The following PDE11A variants were observed in gnomAD, a reference collection of about 807,000 sequenced individuals.
PDE11A encodes phosphodiesterase 11A.
PDE11A carries 100 observed loss-of-function variants against 100.5 expected under a neutral mutation model. The ratio of observed to expected loss-of-function variants is 1.00; its 90% CI spans 0.85 to 1.18. The LOEUF (loss-of-function observed/expected upper bound fraction) is 1.18. Ranked by LOEUF, PDE11A falls within the 50% of genes most tolerant of loss-of-function variation. The probability of loss-of-function intolerance (pLI) is 0.00; values close to 1 mark genes in which losing one functional copy is unlikely to be tolerated. For missense variants in PDE11A, 1,141 were observed against 1,152.6 expected (o/e 0.99, Z 0.15); for synonymous variants, 381 against 420.8 (o/e 0.91, Z 1.16).
intron 1 of PDE11A, among the ~76,000 whole-genome samples, chr2:178,068,897 T>A (rs182460751): frequency 6.6e-6 from 1 of 152,168 alleles, no homozygotes; most frequent in African/African-American, 2.4e-5. Flanking sequence ...CAAACCACAT[T>A]TAGGGACATT....
intron 1 of PDE11A, among the ~76,000 whole-genome samples, chr2:178,053,320 G>A (rs1055334733): frequency 2.0e-5 from 3 of 152,086 alleles, no homozygotes; most frequent in Non-Finnish European, 2.9e-5. Context: ...ACAGCCCTTC[G>A]TGCTAAAACC....
intron 3 of PDE11A, among the ~76,000 whole-genome samples, chr2:177,903,959 T>C (rs188792894): frequency 1.3e-5 from 2 of 152,336 alleles, no homozygotes; most frequent in Non-Finnish European, 2.9e-5. Flanking sequence ...TGGTATGTCA[T>C]GCTAAAGACC....
chr2:178,003,862 C>T (rs921699331), intron 2 of PDE11A, among the ~76,000 whole-genome samples: 1 of 151,958 alleles, frequency 6.6e-6, no homozygotes, highest in South Asian at 2.1e-4. Context: ...AATAGTTCAA[C>T]CTAACAGCTA....
At chr2:178,058,923 C>T (rs1413507985) in intron 1 of PDE11A, among the ~76,000 whole-genome samples, 1 of 152,212 alleles carries the variant, frequency 6.6e-6, no homozygotes, top group East Asian at 1.9e-4. Flanking sequence ...AAGTCATAGT[C>T]TAGGCCTCAT....
intron 2 of PDE11A, among the ~76,000 whole-genome samples, chr2:177,989,756 G>A (rs1250203136): frequency 6.6e-6 from 1 of 152,110 alleles, no homozygotes; most frequent in Non-Finnish European, 1.5e-5. Context: ...CTCACCTCAT[G>A]CCAGAAAGAG....
chr2:177,983,559 C>T (rs1432530271), intron 2 of PDE11A, among the ~76,000 whole-genome samples: 4 of 152,184 alleles, frequency 2.6e-5, no homozygotes, highest in Non-Finnish European at 5.9e-5. Context: ...CAAAACCACA[C>T]TCTAGGCCAT....
At chr2:178,085,547 A>T (rs200874177) in intron 2 of PDE11A, among the ~76,000 whole-genome samples, 1,823 of 152,086 alleles carry the variant, frequency 0.012, 33 homozygotes, top group East Asian at 0.072. Context: ...AATAAAAAAA[A>T]AAATAAACCT....
At chr2:177,964,153 GTT>G (rs11284596) in intron 2 of PDE11A, among the ~76,000 whole-genome samples, 9,530 of 149,760 alleles carry the variant, frequency 0.064, 314 homozygotes, top group South Asian at 0.095. Flanking sequence ...TGTTTGTTTG[GTT>G]TTTTTTTTTA....
At chr2:177,894,966 T>C (rs1333939796) in intron 4 of PDE11A, among the ~76,000 whole-genome samples, 1 of 152,160 alleles carries the variant, frequency 6.6e-6, no homozygotes, top group Admixed American at 6.5e-5. Flanking sequence ...CTCCCTAAAA[T>C]GTATAAAACC....
At chr2:178,014,739 T>A (rs2086314812) in intron 1 of PDE11A, among the ~76,000 whole-genome samples, 1 of 152,174 alleles carries the variant, frequency 6.6e-6, no homozygotes, top group Non-Finnish European at 1.5e-5. Context: ...GAAAGCGATT[T>A]ATGTGATTTA....
intron 18 of PDE11A, among the ~76,000 whole-genome samples, chr2:177,668,786 T>C (rs1029985461): frequency 6.6e-6 from 1 of 152,206 alleles, no homozygotes; most frequent in African/African-American, 2.4e-5. Flanking sequence ...AAATCTACTG[T>C]GCTATGCTAG....
chr2:177,639,048 A>G (rs2080097976), intron 19 of PDE11A, among the ~76,000 whole-genome samples: 1 of 151,626 alleles, frequency 6.6e-6, no homozygotes, highest in African/African-American at 2.4e-5. Context: ...GCCTCCCTAG[A>G]CTCCTAGCTC....
chr2:178,035,834 C>T lies in PDE11A; in HGVS notation c.913-21374G>A, dbSNP rs114014273. Reference sequence around the variant, plus strand: ...CTTCAATAAAATTCAACAGCCCTTACGCTAAAAACTCAGTAAACTAGGTAT... The same window carrying T: ...CTTCAATAAAATTCAACAGCCCTTATGCTAAAAACTCAGTAAACTAGGTAT... On this transcript the variant is annotated intron_variant, in intron 1 of 19. Transcript: ENST00000286063. Among the ~76,000 whole-genome samples the T allele has an allele frequency of 3.4e-3, 512 of 151,792 alleles. 1 individual carries two copies. The highest frequency in any genetic ancestry group is 0.012 in the African/African-American group (489 of 41,484).
intron 2 of PDE11A, among the ~76,000 whole-genome samples, chr2:177,908,452 C>T (rs1422615889): frequency 1.3e-5 from 2 of 152,170 alleles, no homozygotes; most frequent in African/African-American, 4.8e-5. Context: ...GAAACTGAGC[C>T]TGTCAGCAGG....
chr2:177,827,054 C>G lies in PDE11A; in HGVS notation c.1501-6759G>C, dbSNP rs150707101. 1.1e-3 allele frequency among the ~76,000 whole-genome samples: 167 copies of G among 152,358 alleles called. 1 individual carries two copies. The highest frequency in any genetic ancestry group is 4.0e-3 in the African/African-American group (167 of 41,594). On this transcript the variant is annotated intron_variant, in intron 6 of 19. Coordinates refer to ENST00000286063, the MANE Select transcript of PDE11A (RefSeq NM_016953.4). ...CTGCCAGGCTAGCTCTCAGCAGCCA[C>G]TGTGGGGGTGCGGGAGTGCTCCACC...
In PDE11A at chr2:177,634,942, A is replaced by G. The variant is rs114981281; in HGVS notation, c.2647-5380T>C. Among the ~76,000 whole-genome samples, 747 of 152,234 alleles carry G rather than the reference A, an allele frequency of 4.9e-3. 6 individuals carry two copies. Among genetic ancestry groups the G allele is most frequent in the East Asian group, 0.03 (157 of 5,166 alleles). ...CTCCTCAGTGAAAGAGAAGGGGGGA[A>G]ACTTAGCACCCATCTGATCACTCTC... On this transcript the variant is annotated intron_variant, in intron 19 of 19. Coordinates refer to ENST00000286063, the MANE Select transcript of PDE11A (RefSeq NM_016953.4).
intron 16 of PDE11A, among the ~76,000 whole-genome samples, chr2:177,678,998 A>G (rs1257142887): frequency 6.6e-6 from 1 of 151,960 alleles, no homozygotes; most frequent in Non-Finnish European, 1.5e-5. Context: ...AAGAAGGGCT[A>G]GAAAAGACTA....
At chr2:177,706,160 A>G (rs374679510) in intron 13 of PDE11A, among the ~76,000 whole-genome samples, 1 of 152,238 alleles carries the variant, frequency 6.6e-6, no homozygotes, top group African/African-American at 2.4e-5. Context: ...GAATAAATCA[A>G]ATTGTGCTCT....
At chr2:177,824,875 A>T (rs1447307956) in intron 6 of PDE11A, among the ~76,000 whole-genome samples, 2 of 152,202 alleles carry the variant, frequency 1.3e-5, no homozygotes, top group Non-Finnish European at 1.5e-5. Context: ...ACAAAAGCAT[A>T]TTATATACAT....
Sources: gnomAD v4.1 joint callset for allele counts (sites outside exome capture counted in the v4.1 genomes callset) on GRCh38, gnomAD v4.1.1 for gene constraint, MANE v1.5 for transcripts, NCBI Gene and HGNC (gene_info 2026-07-23, HGNC 2026-07-21) for gene names.